GNA14: variants seen among roughly 807,000 people sequenced by gnomAD.
The protein encoded by GNA14 is guanine nucleotide-binding protein subunit alpha-14.
In GNA14, 50 loss-of-function variants were observed where a neutral mutation model predicts 42.0. That is an observed-to-expected ratio of 1.19 (90% CI 0.95 to 1.51). The LOEUF (loss-of-function observed/expected upper bound fraction) is 1.51, where lower values mean the gene tolerates loss of function less well. Among genes scored for constraint, GNA14 ranks in the 40% most tolerant of loss-of-function variants. The probability of loss-of-function intolerance (pLI) is 0.00; values close to 1 mark genes in which losing one functional copy is unlikely to be tolerated. For missense variants in GNA14, 473 were observed against 446.2 expected (o/e 1.06, Z -0.54); for synonymous variants, 173 against 163.1 (o/e 1.06, Z -0.46).
chr9:77,485,826 A>G (rs1457295036), intron 2 of GNA14, among the ~76,000 whole-genome samples: 3 of 152,204 alleles, frequency 2.0e-5, no homozygotes, highest in Non-Finnish European at 4.4e-5. Context: ...TCTCCACAGT[A>G]GGCTTAAAAT....
chr9:77,626,703 T>TG (rs1824017479), intron 1 of GNA14, among the ~76,000 whole-genome samples: 1 of 151,566 alleles, frequency 6.6e-6, no homozygotes, highest in African/African-American at 2.4e-5. Flanking sequence ...GTACACACAA[T>TG]GTACCAGAAT....
chr9:77,456,093 A>G (rs187372488), intron 2 of GNA14, among the ~76,000 whole-genome samples: 3 of 152,364 alleles, frequency 2.0e-5, no homozygotes, highest in African/African-American at 4.8e-5. Context: ...TAGTATAAGC[A>G]TGATCATATA....
chr9:77,480,822 A>G (rs1286135048), intron 2 of GNA14, among the ~76,000 whole-genome samples: 1 of 152,152 alleles, frequency 6.6e-6, no homozygotes, highest in African/African-American at 2.4e-5. Context: ...TAGATTTTCT[A>G]GTTTATTTGC....
chr9:77,454,195 G>A (rs1478432466), intron 2 of GNA14, among the ~76,000 whole-genome samples: 2 of 152,256 alleles, frequency 1.3e-5, no homozygotes, highest in African/African-American at 4.8e-5. Flanking sequence ...CTTTGGATTT[G>A]GTGGTTCCAA....
intron 1 of GNA14, among the ~76,000 whole-genome samples, chr9:77,585,132 G>A (rs1179412125): frequency 6.6e-6 from 1 of 152,168 alleles, no homozygotes; most frequent in Non-Finnish European, 1.5e-5. Flanking sequence ...AGATGGAGTT[G>A]TTCTGGTTCA....
At chr9:77,630,010 G>T (rs1401180720) in intron 1 of GNA14, among the ~76,000 whole-genome samples, 1 of 151,952 alleles carries the variant, frequency 6.6e-6, no homozygotes, top group Non-Finnish European at 1.5e-5. Context: ...ATTAGTTTAT[G>T]ATTTAACAGT....
chr9:77,434,273 C>T, intron 3 of GNA14, 95 bp downstream of exon 3: 2 of 1,167,888 alleles, frequency 1.7e-6, no homozygotes, highest in East Asian at 2.4e-5. Context: ...CCACTGTGCA[C>T]CGCATTTCAG....
chr9:77,527,948 T>A (rs557438209), intron 2 of GNA14, among the ~76,000 whole-genome samples: 1 of 152,242 alleles, frequency 6.6e-6, no homozygotes, highest in East Asian at 1.9e-4. Flanking sequence ...CCCACGCAAG[T>A]TTTAGCATGA....
At chr9:77,495,410 T>A (rs1836854420) in intron 2 of GNA14, among the ~76,000 whole-genome samples, 1 of 152,096 alleles carries the variant, frequency 6.6e-6, no homozygotes, top group South Asian at 2.1e-4. Context: ...GGAGATAACA[T>A]GTTGAATATG....
intron 2 of GNA14, among the ~76,000 whole-genome samples, chr9:77,491,605 G>A (rs926268479): frequency 6.6e-6 from 1 of 152,102 alleles, no homozygotes; most frequent in African/African-American, 2.4e-5. Flanking sequence ...TTTGGCAAGA[G>A]GATATAACAA....
At chr9:77,458,116 G>T (rs942886508) in intron 2 of GNA14, among the ~76,000 whole-genome samples, 2 of 152,150 alleles carry the variant, frequency 1.3e-5, no homozygotes, top group East Asian at 1.9e-4. Context: ...GGGCACTCCA[G>T]ATTTCCCAAG....
Position 77,424,025 on chromosome 9 carries a change from TTGAC to T in GNA14, c.1018_1021del (p.Val340LysfsTer7), listed in dbSNP as rs767326512. On this transcript the variant is annotated frameshift_variant, in exon 7 of 7. Coordinates refer to ENST00000341700, the MANE Select transcript of GNA14 (RefSeq NM_004297.4). LOFTEE classifies it high-confidence loss of function. ...TAGGTTTAGCTGTAGAATTGTGTCT[TTGAC>T]AGCAGCAAACACAAAGCGAATATTG... 23 of 1,610,600 alleles carry T rather than the reference TTGAC, an allele frequency of 1.4e-5. No individual in the cohort carries two copies. The highest frequency in any genetic ancestry group is 3.3e-4 in the Middle Eastern group (2 of 6,084).
In GNA14 at chr9:77,588,246, C is replaced by G. The variant is rs117830299; in HGVS notation, c.125-58993G>C. 3.1e-3 allele frequency among the ~76,000 whole-genome samples: 469 copies of G among 152,332 alleles called. 14 individuals are homozygous for G. The East Asian group carries it at 0.056, about 18-fold the overall frequency. On this transcript the variant is annotated intron_variant, in intron 1 of 6. Transcript: ENST00000341700. ...GAGGGGGACATCTTTGGGGGGCTAT[C>G]ACTCCATCCACCACACCCTGACACC...
chr9:77,466,040 T>C (rs556320251), intron 2 of GNA14, among the ~76,000 whole-genome samples: 6 of 152,350 alleles, frequency 3.9e-5, no homozygotes, highest in African/African-American at 9.6e-5. Context: ...AAGATTTCTC[T>C]TTCACTTTGA....
At chr9:77,571,756 CAAAA>C (rs35715329) in intron 1 of GNA14, among the ~76,000 whole-genome samples, 1 of 129,838 alleles carries the variant, frequency 7.7e-6, no homozygotes. Context: ...CCTCTGCCTT[CAAAA>C]AAAAAAAAAA....
At chr9:77,440,467 A>T (rs530339119) in intron 2 of GNA14, among the ~76,000 whole-genome samples, 3 of 152,360 alleles carry the variant, frequency 2.0e-5, no homozygotes, top group Non-Finnish European at 4.4e-5. Flanking sequence ...TGACTTTCCC[A>T]ATTAAGCTAG....
intron 2 of GNA14, among the ~76,000 whole-genome samples, chr9:77,478,693 T>C (rs1230530178): frequency 6.6e-6 from 1 of 151,940 alleles, no homozygotes; most frequent in Non-Finnish European, 1.5e-5. Context: ...GCACCTGTTG[T>C]TTCCTGACTT....
chr9:77,531,157 G>C (rs1301149770), intron 1 of GNA14, among the ~76,000 whole-genome samples: 1 of 152,148 alleles, frequency 6.6e-6, no homozygotes, highest in African/African-American at 2.4e-5. Flanking sequence ...CAGGGCCCGA[G>C]ATTCACACAT....
At chr9:77,445,375 A>G (rs926995580) in intron 2 of GNA14, among the ~76,000 whole-genome samples, 6 of 152,018 alleles carry the variant, frequency 3.9e-5, no homozygotes, top group Admixed American at 1.3e-4. Context: ...AACACCCTCC[A>G]AACAAGGAAT....
Sources: gnomAD v4.1 joint callset for allele counts (sites outside exome capture counted in the v4.1 genomes callset) on GRCh38, gnomAD v4.1.1 for gene constraint, MANE v1.5 for transcripts, NCBI Gene and HGNC (gene_info 2026-07-23, HGNC 2026-07-21) for gene names.